Variants in LAS1L observed in about 807,000 individuals in gnomAD.
LAS1L encodes LAS1 like ribosome biogenesis factor.
Under a neutral mutation model 57.3 loss-of-function variants are expected in LAS1L, and 5 were observed. That is an observed-to-expected ratio of 0.09 (90% CI 0.05 to 0.18). The LOEUF (loss-of-function observed/expected upper bound fraction) is 0.18. LAS1L is among the 10% of genes least tolerant of loss of function. The pLI, the probability that LAS1L is intolerant of heterozygous loss-of-function variation, is 1.00. For synonymous variants in LAS1L, 245 were observed against 231.7 expected (o/e 1.06, Z -0.52); for missense variants, 360 against 568.3 (o/e 0.63, Z 3.73).
intron 10 of LAS1L, 97 bp from the exon 11 acceptor site, chrX:65,523,804 C>G: frequency 4.2e-6 from 4 of 959,766 alleles, no homozygotes; most frequent in South Asian, 4.9e-5. Context: ...CCCATCCCCC[C>G]AGACTCCCCA....
intron 2 of LAS1L, among the ~76,000 whole-genome samples, 187 bp from the exon 3 acceptor site, chrX:65,532,817 T>C (rs1459715773): frequency 3.6e-5 from 4 of 112,318 alleles, no homozygotes; most frequent in Non-Finnish European, 5.6e-5. Context: ...GTCTGCCCTA[T>C]AATGAAGCCA....
Position 65,514,881 on chromosome X carries a change from A to G in LAS1L, c.2020T>C (p.Tyr674His). ...ELMLENYDTM[Y>H]LLDQPVLEQR... ...TCTAGCACAGGCTGGTCCAAAAGAT[A>G]CATGGTGTCATAATTCTCCAGCATG... Residue 674 changes from tyrosine to histidine, a missense_variant, in exon 13 of 14, where the codon TAT becomes CAT. Physicochemically the swap from Tyr to His is moderately conservative, Grantham distance 83 (BLOSUM62 2). Around this residue, in one of 7 missense-constraint regions of LAS1L, gnomAD observed 123 missense variants for 168.3 expected, o/e 0.73. Transcript: ENST00000374811. 1 of 1,209,952 alleles carries G rather than the reference A, an allele frequency of 8.3e-7. No homozygotes were observed. The highest frequency in any genetic ancestry group is 1.1e-6 in the Non-Finnish European group (1 of 894,392).
chrX:65,528,328 C>T lies in LAS1L; in HGVS notation c.888G>A (p.Ala296=), dbSNP rs1335377610. 6 of 1,196,004 alleles carry T rather than the reference C, an allele frequency of 5.0e-6. No homozygotes were observed. The highest frequency in any genetic ancestry group is 3.6e-5 in the South Asian group (2 of 55,049). ...CTACACGTGGGGACGGGTTATTCCACGCCTTAATGGCCTTAGGTAAATACC... is the reference window on the plus strand; with the variant it reads ...CTACACGTGGGGACGGGTTATTCCATGCCTTAATGGCCTTAGGTAAATACC... ...KFRYLPKAIK[A]WNNPSPRVEC... is the part of the protein sequence containing the mutation. Residue 296 remains alanine, a synonymous_variant, in exon 7 of 14, where the codon GCG becomes GCA. Transcript: ENST00000374811.
intron 12 of LAS1L, among the ~76,000 whole-genome samples, chrX:65,515,618 T>TAC (rs926513534): frequency 8.2e-5 from 9 of 109,817 alleles, no homozygotes; most frequent in African/African-American, 3.0e-4. Context: ...ATGCACAAGG[T>TAC]ACACCCCTTT....
rs747949541 is a variant in LAS1L at position 65,518,705 on chromosome X, T to C, written c.1449-240A>G. 2.3e-5 allele frequency: 12 copies of C among 525,823 alleles called. No individual in the cohort carries two copies. The African/African-American group carries it at 2.5e-4, about 11-fold the overall frequency. 43.3% of individuals were successfully genotyped at this position (525,823 alleles called of 1,213,427 possible). On this transcript the variant is annotated intron_variant, in intron 11 of 13. Coordinates refer to ENST00000374811, the MANE Select transcript of LAS1L (RefSeq NM_031206.7). ...GAGGACAATAATGATACCTAATGTA[T>C]AGGATTGTTGGGAGGAGTAAATAAG...
chrX:65,515,069 T>G, intron 12 of LAS1L, 96 bp from the exon 13 acceptor site: 1 of 873,411 alleles, frequency 1.1e-6, no homozygotes, highest in Middle Eastern at 4.0e-4. Context: ...CCACCCCACT[T>G]AGCACAGGTG....
At chrX:65,527,782 G>A (rs1218994745) in intron 7 of LAS1L, among the ~76,000 whole-genome samples, 2 of 96,597 alleles carry the variant, frequency 2.1e-5, no homozygotes, top group African/African-American at 7.9e-5. Context: ...GCAGTGAGCC[G>A]AGACTGCGCC....
At chrX:65,513,881 A>G (rs1406203083) in intron 13 of LAS1L, among the ~76,000 whole-genome samples, 4 of 111,249 alleles carry the variant, frequency 3.6e-5, no homozygotes, top group Non-Finnish European at 7.6e-5. Context: ...TGTGAATCCC[A>G]CTCCCAACTA....
intron 12 of LAS1L, among the ~76,000 whole-genome samples, chrX:65,516,448 G>C (rs2068631953): frequency 9.1e-6 from 1 of 110,271 alleles, no homozygotes; most frequent in South Asian, 3.9e-4. Context: ...GCCATCTCTG[G>C]ATGGCTATAT....
chrX:65,521,314 G>A, intron 11 of LAS1L: 1 of 750,187 alleles, frequency 1.3e-6, no homozygotes, highest in South Asian at 6.8e-5. Flanking sequence ...AGCAGAGCAC[G>A]GTTCAATTCA....
At chrX:65,519,239 C>T (rs1266887651) in intron 11 of LAS1L, among the ~76,000 whole-genome samples, 1 of 111,640 alleles carries the variant, frequency 9.0e-6, no homozygotes, top group East Asian at 2.8e-4. Flanking sequence ...GAGGGCACGG[C>T]CTGTGCTGAG....
At chrX:65,531,543 A>G (rs1287484883) in intron 3 of LAS1L, 105 bp from the exon 4 acceptor site, 3 of 518,991 alleles carry the variant, frequency 5.8e-6, no homozygotes, top group Non-Finnish European at 9.8e-6. Flanking sequence ...CCATTTTACA[A>G]CTAGAGAAAC....
intron 4 of LAS1L, among the ~76,000 whole-genome samples, 188 bp from the exon 5 acceptor site, chrX:65,530,066 C>T (rs376852701): frequency 3.2e-4 from 36 of 112,546 alleles, no homozygotes; most frequent in African/African-American, 1.2e-3. Flanking sequence ...TCCTGCTTAC[C>T]AGCACTTTTT....
At chrX:65,517,494 G>T (rs1169695366) in intron 12 of LAS1L, among the ~76,000 whole-genome samples, 1 of 109,413 alleles carries the variant, frequency 9.1e-6, no homozygotes, top group Non-Finnish European at 1.9e-5. Context: ...CTCGTGATCC[G>T]CCCGCCTCGG....
At chrX:65,528,447 T>C in intron 6 of LAS1L, 78 bp from the exon 7 acceptor site, 1 of 580,746 alleles carries the variant, frequency 1.7e-6, no homozygotes. Flanking sequence ...TCCCTTCCCA[T>C]AGGACCTCTC....
chrX:65,534,336 C>T (rs1223818595), intron 1 of LAS1L, 144 bp downstream of exon 1: 2 of 460,606 alleles, frequency 4.3e-6, no homozygotes, highest in Non-Finnish European at 7.5e-6. Context: ...GAGATGGCTG[C>T]CGCGTTCCCC....
chrX:65,518,771 G>A, intron 11 of LAS1L: 7 of 728,936 alleles, frequency 9.6e-6, no homozygotes, highest in Non-Finnish European at 1.1e-5. Flanking sequence ...CTGGCACATA[G>A]TGGGCATGCA....
Position 65,524,171 on chromosome X carries a change from C to A in LAS1L, c.1185G>T (p.Thr395=), listed in dbSNP as rs373278066. Residue 395 remains threonine, a synonymous_variant, in exon 10 of 14, where the codon ACG becomes ACT. Coordinates refer to ENST00000374811, the MANE Select transcript of LAS1L (RefSeq NM_031206.7). Reference sequence around the variant, plus strand: ...AGAGCATCCTCTCCAATAGGGCCTGCGTGAAGTTCTGGGAGTGCAGGCCCC... The same window carrying A: ...AGAGCATCCTCTCCAATAGGGCCTGAGTGAAGTTCTGGGAGTGCAGGCCCC... ...LLRGLHSQNF[T]QALLERMLSE... 2 of 1,210,473 alleles carry A rather than the reference C, an allele frequency of 1.7e-6. No homozygotes were observed. The highest frequency in any genetic ancestry group is 2.2e-6 in the Non-Finnish European group (2 of 894,583).
At chrX:65,521,060 T>A in intron 11 of LAS1L, 1 of 752,828 alleles carries the variant, frequency 1.3e-6, no homozygotes, top group Non-Finnish European at 1.6e-6. Flanking sequence ...AGCACACATC[T>A]GGCAATGTGG....
Sources: allele counts gnomAD v4.1 joint callset (sites outside exome capture counted in the v4.1 genomes callset), GRCh38; gene constraint gnomAD v4.1.1; regional missense constraint gnomAD v4.1.1; transcripts MANE v1.5; gene names NCBI Gene and HGNC (gene_info 2026-07-23, HGNC 2026-07-21).